Variants in STEAP3 observed in about 807,000 individuals in gnomAD.
The protein encoded by STEAP3 is metalloreductase STEAP3.
STEAP3 carries 35 observed loss-of-function variants against 34.9 expected under a neutral mutation model. The ratio of observed to expected loss-of-function variants is 1.00; its 90% CI spans 0.76 to 1.33. The LOEUF (loss-of-function observed/expected upper bound fraction) is 1.33. STEAP3 is among the 40% of genes most tolerant of loss of function. The pLI, the probability that STEAP3 is intolerant of heterozygous loss-of-function variation, is 0.00. For missense variants in STEAP3, 652 were observed against 667.6 expected (o/e 0.98, Z 0.26); for synonymous variants, 281 against 301.6 (o/e 0.93, Z 0.71).
intron 5 of STEAP3, chr2:119,257,829 C>G: frequency 1.0e-6 from 1 of 962,676 alleles, no homozygotes; most frequent in Non-Finnish European, 1.4e-6. Flanking sequence ...TTGGCTGACC[C>G]CTAGATCTGT....
intron 2 of STEAP3, chr2:119,245,090 G>A (rs1677367827): frequency 5.3e-6 from 1 of 188,748 alleles, no homozygotes; most frequent in Non-Finnish European, 1.1e-5. Context: ...CGATGGTGAG[G>A]TTGGGGTTAG....
At chr2:119,250,657 A>G (rs923970139) in intron 4 of STEAP3, among the ~76,000 whole-genome samples, 1 of 152,044 alleles carries the variant, frequency 6.6e-6, no homozygotes, top group Non-Finnish European at 1.5e-5. Flanking sequence ...ACTACCCCCC[A>G]GGGTAAAAGA....
At position 119,230,909 on chromosome 2, in the gene STEAP3, C is replaced by A; in HGVS notation, c.-104C>A. The A allele has an allele frequency of 6.5e-7, 1 of 1,530,810 alleles. No individual in the cohort carries two copies. Among genetic ancestry groups the A allele is most frequent in the South Asian group, 1.1e-5 (1 of 89,144 alleles). The allele number at this position is 1,530,810 out of a possible 1,614,324, so 94.8% of individuals were successfully genotyped here. ...CCTCCTGAGAAACCGAGAGTCAGAA[C>A]CAAAGCCAGGCTGTCCTGGTTGGAG... On this transcript the variant is annotated 5_prime_UTR_variant, in exon 2 of 6. Transcript: ENST00000393110.
At position 119,263,353 on chromosome 2, in the gene STEAP3, G is replaced by T; in HGVS notation, c.*15G>T. The T allele has an allele frequency of 1.2e-6, 2 of 1,609,154 alleles. No homozygotes were observed. Among genetic ancestry groups the T allele is most frequent in the South Asian group, 2.2e-5 (2 of 90,316 alleles). On this transcript the variant is annotated 3_prime_UTR_variant, in exon 6 of 6. Transcript: ENST00000393110. ...GCCACGTATGAGGTGCCTGCCCTGG[G>T]CTCTGGACCCCGGGCACACGAGGGA...
At chr2:119,258,487 C>T (rs954221925) in intron 5 of STEAP3, among the ~76,000 whole-genome samples, 17 of 152,026 alleles carry the variant, frequency 1.1e-4, no homozygotes, top group Non-Finnish European at 2.2e-4. Context: ...AGCTAAAAAC[C>T]ATTGAAACAG....
intron 1 of STEAP3, among the ~76,000 whole-genome samples, chr2:119,226,872 T>C (rs766084574): frequency 6.6e-6 from 1 of 152,178 alleles, no homozygotes; most frequent in Non-Finnish European, 1.5e-5. Context: ...AGGTCGATAA[T>C]GTTATTCTCC....
chr2:119,230,910 C>A lies in STEAP3; in HGVS notation c.-103C>A. 2 of 1,536,032 alleles carry A rather than the reference C, an allele frequency of 1.3e-6. No homozygotes were observed. The highest frequency in any genetic ancestry group is 1.1e-5 in the South Asian group (1 of 89,252). ...CTCCTGAGAAACCGAGAGTCAGAAC[C>A]AAAGCCAGGCTGTCCTGGTTGGAGA... On this transcript the variant is annotated 5_prime_UTR_variant, in exon 2 of 6. Coordinates refer to ENST00000393110, the MANE Select transcript of STEAP3 (RefSeq NM_182915.3).
At chr2:119,243,130 G>C (rs1677300294) in intron 2 of STEAP3, among the ~76,000 whole-genome samples, 1 of 152,210 alleles carries the variant, frequency 6.6e-6, no homozygotes, top group African/African-American at 2.4e-5. Flanking sequence ...CAACCCCTCA[G>C]AGTCTCAGCT....
intron 2 of STEAP3, among the ~76,000 whole-genome samples, chr2:119,243,767 A>T (rs192669817): frequency 1.1e-3 from 166 of 152,352 alleles, no homozygotes; most frequent in African/African-American, 3.8e-3. Context: ...AGGCACACAG[A>T]CTTGTCTGAA....
At chr2:119,248,311 T>C in intron 4 of STEAP3, 105 bp downstream of exon 4, 1 of 1,320,808 alleles carries the variant, frequency 7.6e-7, no homozygotes, top group Non-Finnish European at 1.0e-6. Flanking sequence ...GGTGCAGCCT[T>C]ACCAGGTGCC....
At chr2:119,259,109 G>A (rs1677869348) in intron 5 of STEAP3, among the ~76,000 whole-genome samples, 2 of 152,134 alleles carry the variant, frequency 1.3e-5, no homozygotes, top group African/African-American at 2.4e-5. Flanking sequence ...TAGAGGAACT[G>A]CCTGTGACCT....
At chr2:119,253,976 A>AG (rs1024182114) in intron 4 of STEAP3, among the ~76,000 whole-genome samples, 1 of 152,156 alleles carries the variant, frequency 6.6e-6, no homozygotes, top group Non-Finnish European at 1.5e-5. Flanking sequence ...AGTTGAGCCA[A>AG]GGCTGTGTGC....
chr2:119,258,454 T>C (rs1262582682), intron 5 of STEAP3, among the ~76,000 whole-genome samples: 1 of 152,180 alleles, frequency 6.6e-6, no homozygotes, highest in Non-Finnish European at 1.5e-5. Context: ...CTCTCTGGTT[T>C]GAACACCTCA....
intron 4 of STEAP3, among the ~76,000 whole-genome samples, chr2:119,253,970 G>A (rs1677700098): frequency 6.6e-6 from 1 of 151,788 alleles, no homozygotes; most frequent in Non-Finnish European, 1.5e-5. Context: ...TGGCAAAGTT[G>A]AGCCAAGGCT....
intron 2 of STEAP3, among the ~76,000 whole-genome samples, chr2:119,237,808 G>A (rs1677134517): frequency 6.6e-6 from 1 of 152,084 alleles, no homozygotes; most frequent in Non-Finnish European, 1.5e-5. Context: ...TGAGTTGCAT[G>A]GTGTACCCGT....
In STEAP3 at chr2:119,265,150, A is replaced by T. The variant is rs948538481; in HGVS notation, c.*1812A>T. 1 of 152,298 alleles carries T rather than the reference A, an allele frequency of 6.6e-6. No individual in the cohort carries two copies. Among genetic ancestry groups the T allele is most frequent in the African/African-American group, 2.4e-5 (1 of 41,450 alleles). The allele number at this position is 152,298 out of a possible 1,614,324, so 9.4% of individuals were successfully genotyped here. A position where few individuals can be genotyped will look rare whatever the true frequency, so the allele number is the denominator to read the frequency against. ...ATGAGAGGCAGGGAGAGCATGGGCA[A>T]TGGAGACCCACCAATGATCCCCAAC... On this transcript the variant is annotated 3_prime_UTR_variant, in exon 6 of 6. Coordinates refer to ENST00000393110, the MANE Select transcript of STEAP3 (RefSeq NM_182915.3).
chr2:119,246,047 C>A lies in STEAP3; in HGVS notation c.522+59C>A, dbSNP rs368659337. The A allele has an allele frequency of 2.3e-5, 35 of 1,546,974 alleles. 1 individual carries two copies. In the African/African-American group the frequency reaches 2.6e-4, roughly 11 times the overall value. On this transcript the variant is annotated intron_variant, in intron 3 of 5. Transcript: ENST00000393110. ...ATAAATATAAATGGCTAATTTTCAT[C>A]GAGTGCTGCCAGCATGCTCTTTTTG...
At chr2:119,256,324 CAT>C (rs1408243688) in intron 5 of STEAP3, among the ~76,000 whole-genome samples, 2 of 152,130 alleles carry the variant, frequency 1.3e-5, no homozygotes, top group East Asian at 1.9e-4. Context: ...ATGGCTGACA[CAT>C]GTTAGCATAC....
chr2:119,256,515 G>A (rs1045623), intron 5 of STEAP3, among the ~76,000 whole-genome samples: 2 of 152,066 alleles, frequency 1.3e-5, no homozygotes, highest in African/African-American at 4.8e-5. Context: ...TAGATTACAT[G>A]CCCTGGCTCT....
Sources: allele counts gnomAD v4.1 joint callset (sites outside exome capture counted in the v4.1 genomes callset), GRCh38; gene constraint gnomAD v4.1.1; transcripts MANE v1.5; gene names NCBI Gene and HGNC (gene_info 2026-07-23, HGNC 2026-07-21).